SLC10A7: variants seen among roughly 807,000 people sequenced by gnomAD.
SLC10A7 encodes sodium/bile acid cotransporter 7.
SLC10A7 carries 29 observed loss-of-function variants against 43.2 expected under a neutral mutation model. The observed-to-expected ratio is 0.67, with a 90% CI of 0.50 to 0.92. The LOEUF is 0.92. SLC10A7 is among the 40% of genes least tolerant of loss of function. The probability of loss-of-function intolerance (pLI) is 0.00; values close to 1 mark genes in which losing one functional copy is unlikely to be tolerated. For missense variants in SLC10A7, 295 were observed against 403.2 expected, an observed-to-expected ratio of 0.73 and a Z score of 2.30; for synonymous variants, 152 against 144.8, an observed-to-expected ratio of 1.05 and a Z score of -0.35.
Position 146,325,983 on chromosome 4 carries a change from G to A in SLC10A7, c.449C>T (p.Thr150Ile). 6.2e-7 allele frequency: 1 copy of A among 1,612,134 alleles called. No homozygotes were observed. The highest frequency in any genetic ancestry group is 8.5e-7 in the Non-Finnish European group (1 of 1,179,092). The change falls in exon 6 of 12, where the codon ACA (threonine) becomes ATA (isoleucine). Residue 150 changes from threonine to isoleucine, a missense_variant. Physicochemically the swap from Thr to Ile is moderately conservative, Grantham distance 89 (BLOSUM62 -1). Transcript: ENST00000335472. ...CACAAAAAGCAGCAGGAGCAGGGGT[G>A]TTATAACGATGCCCTGAAAGAAATA... ...AFGSFLGIVI[T>I]PLLLLLFLGS...
chr4:146,393,127 G>A (rs1047890799), intron 5 of SLC10A7, among the ~76,000 whole-genome samples: 3 of 146,764 alleles, frequency 2.0e-5, no homozygotes, highest in Non-Finnish European at 3.0e-5. Flanking sequence ...AGGAGGTAGC[G>A]GTTGCAGTGA....
At chr4:146,503,971 G>C (rs779650237) in intron 3 of SLC10A7, 47 bp from the exon 4 acceptor site, 2 of 1,490,470 alleles carry the variant, frequency 1.3e-6, no homozygotes, top group Non-Finnish European at 9.3e-7. Context: ...TATAATCATA[G>C]ACAGCTTTCA....
chr4:146,334,064 CTGAGT>C (rs1733718674), intron 5 of SLC10A7, among the ~76,000 whole-genome samples: 1 of 152,012 alleles, frequency 6.6e-6, no homozygotes, highest in Non-Finnish European at 1.5e-5. Flanking sequence ...TCTTAGTTTT[CTGAGT>C]TAAGTGATTC....
At chr4:146,481,567 G>A (rs1349003221) in intron 4 of SLC10A7, among the ~76,000 whole-genome samples, 1 of 152,206 alleles carries the variant, frequency 6.6e-6, no homozygotes, top group Non-Finnish European at 1.5e-5. Flanking sequence ...CTGGGCCTGA[G>A]CCTCTGGAGC....
chr4:146,366,602 G>A (rs1029925644), intron 5 of SLC10A7, among the ~76,000 whole-genome samples: 2 of 152,086 alleles, frequency 1.3e-5, no homozygotes, highest in African/African-American at 4.8e-5. Flanking sequence ...CTTGGTCATC[G>A]ACATTATTAT....
intron 6 of SLC10A7, among the ~76,000 whole-genome samples, chr4:146,313,609 A>C (rs561700141): frequency 6.6e-6 from 1 of 152,286 alleles, no homozygotes; most frequent in African/African-American, 2.4e-5. Flanking sequence ...AATGGAAACA[A>C]ATTATAAAAA....
chr4:146,334,427 A>G (rs1449872184), intron 5 of SLC10A7, among the ~76,000 whole-genome samples: 1 of 152,120 alleles, frequency 6.6e-6, no homozygotes, highest in Non-Finnish European at 1.5e-5. Flanking sequence ...CTGAGTAAGG[A>G]GGGAAAAGAG....
At chr4:146,322,507 A>C (rs1732790085) in intron 6 of SLC10A7, among the ~76,000 whole-genome samples, 1 of 151,854 alleles carries the variant, frequency 6.6e-6, no homozygotes, top group Non-Finnish European at 1.5e-5. Context: ...GCTGAGAATG[A>C]TGGTTTCCAG....
chr4:146,403,917 G>C (rs953758760), intron 5 of SLC10A7, among the ~76,000 whole-genome samples: 3 of 152,184 alleles, frequency 2.0e-5, no homozygotes, highest in Non-Finnish European at 4.4e-5. Flanking sequence ...TGATGGCTTT[G>C]ATAGATGTTA....
chr4:146,512,833 C>A (rs1427370830), intron 2 of SLC10A7, among the ~76,000 whole-genome samples: 5 of 152,040 alleles, frequency 3.3e-5, no homozygotes, highest in African/African-American at 1.2e-4. Context: ...TTTGTAATAG[C>A]AAAACCTTGT....
At chr4:146,498,622 G>A (rs943561172) in intron 4 of SLC10A7, among the ~76,000 whole-genome samples, 2 of 152,054 alleles carry the variant, frequency 1.3e-5, no homozygotes, top group African/African-American at 4.8e-5. Context: ...AATAAAAATA[G>A]CTTAAAATGT....
chr4:146,516,891 A>C (rs1212776631), intron 2 of SLC10A7, 147 bp downstream of exon 2: 1 of 582,682 alleles, frequency 1.7e-6, no homozygotes, highest in Admixed American at 2.7e-5. Flanking sequence ...AATGAAACAC[A>C]AGTCCTTTGC....
At chr4:146,300,966 AC>A (rs993699820) in intron 7 of SLC10A7, among the ~76,000 whole-genome samples, 2 of 152,014 alleles carry the variant, frequency 1.3e-5, no homozygotes, top group Admixed American at 6.6e-5. Context: ...TACATCTTAC[AC>A]CCTACTCTTG....
chr4:146,360,482 C>T (rs143057062), intron 5 of SLC10A7, among the ~76,000 whole-genome samples: 2 of 151,962 alleles, frequency 1.3e-5, no homozygotes, highest in Non-Finnish European at 2.9e-5. Context: ...GCTTTGTTGC[C>T]CAGGCTGGAG....
chr4:146,372,665 TA>T (rs1234346384), intron 5 of SLC10A7, among the ~76,000 whole-genome samples: 3 of 152,202 alleles, frequency 2.0e-5, no homozygotes, highest in Admixed American at 2.0e-4. Flanking sequence ...CTAATTCATT[TA>T]AATAAGGCAT....
chr4:146,338,565 T>C (rs1734047970), intron 5 of SLC10A7, among the ~76,000 whole-genome samples: 1 of 152,004 alleles, frequency 6.6e-6, no homozygotes, highest in Admixed American at 6.6e-5. Flanking sequence ...GAAAGAGACA[T>C]TAGGGATAAT....
chr4:146,268,133 C>T (rs549603735), intron 10 of SLC10A7, among the ~76,000 whole-genome samples: 2 of 152,250 alleles, frequency 1.3e-5, no homozygotes, highest in South Asian at 2.1e-4. Context: ...GCTTTCCTGT[C>T]GAGCCTTCCT....
At chr4:146,356,051 A>AATATAT (rs763407986) in intron 5 of SLC10A7, among the ~76,000 whole-genome samples, 20 of 140,132 alleles carry the variant, frequency 1.4e-4, no homozygotes, top group East Asian at 6.3e-4. Context: ...AAAAAAAAAA[A>AATATAT]ATATATATAT....
At chr4:146,299,165 T>C (rs566225548) in intron 7 of SLC10A7, among the ~76,000 whole-genome samples, 3 of 152,332 alleles carry the variant, frequency 2.0e-5, no homozygotes, top group Admixed American at 2.0e-4. Context: ...AAAAGATGCA[T>C]ATAACAATCC....
Sources: gnomAD v4.1 joint callset for allele counts (sites outside exome capture counted in the v4.1 genomes callset) on GRCh38, gnomAD v4.1.1 for gene constraint, MANE v1.5 for transcripts, NCBI Gene and HGNC (gene_info 2026-07-23, HGNC 2026-07-21) for gene names.